Variants in FZD4 observed in about 807,000 individuals in gnomAD.
The protein encoded by FZD4 is frizzled-4.
A neutral mutation model predicts 37.3 loss-of-function variants in FZD4; 16 were observed. That is an observed-to-expected ratio of 0.43 (90% CI 0.29 to 0.65). The LOEUF is 0.65. FZD4 is among the 30% of genes least tolerant of loss of function. FZD4 has a pLI of 0.16. For missense variants in FZD4, 599 were observed against 674.3 expected (o/e 0.89, Z 1.24); for synonymous variants, 246 against 254.8 (o/e 0.97, Z 0.33).
chr11:86,951,731 A>G lies in FZD4; in HGVS notation c.1025T>C (p.Met342Thr), dbSNP rs570839659. ...GLKWGHEAIE[M>T]HSSYFHIAAW... Reference sequence around the variant, plus strand: ...TGCAATGTGGAAATAAGAGCTGTGCATTTCAATGGCTTCATGACCCCATTT... The same window carrying G: ...TGCAATGTGGAAATAAGAGCTGTGCGTTTCAATGGCTTCATGACCCCATTT... The change falls in exon 2 of 2, where the codon ATG becomes ACG. Residue 342 changes from methionine (M) to threonine (T), a missense_variant. Transcript: ENST00000531380. The G allele has an allele frequency of 5.6e-6, 9 of 1,614,210 alleles. No individual in the cohort carries two copies. The African/African-American group carries it at 8.0e-5, about 14-fold the overall frequency.
Position 86,955,072 on chromosome 11 carries a change from C to A in FZD4, c.14G>T (p.Gly5Val). Residue 5 changes from glycine to valine, a missense_variant, in exon 1 of 2, where the codon GGC becomes GTC. By Grantham distance (109) the Gly-to-Val change is moderately radical (BLOSUM62 -3). This residue lies in a region of FZD4 where 357 missense variants were observed against 396.1 expected (regional missense o/e 0.90). Coordinates refer to ENST00000531380, the MANE Select transcript of FZD4 (RefSeq NM_012193.4). MAWR[G>V]AGPSVPGAPG... is the part of the protein sequence containing the mutation. ...CGCCCCCGGGACGCTCGGCCCTGCGCCCCGCCAGGCCATGGCCAGCATCGG... is the reference window on the plus strand; with the variant it reads ...CGCCCCCGGGACGCTCGGCCCTGCGACCCGCCAGGCCATGGCCAGCATCGG... The A allele has an allele frequency of 6.4e-7, 1 of 1,557,154 alleles. No homozygotes were observed. The highest frequency in any genetic ancestry group is 1.2e-5 in the South Asian group (1 of 82,848).
intron 1 of FZD4, 103 bp from the exon 2 acceptor site, chr11:86,952,573 T>C: frequency 7.6e-7 from 1 of 1,316,520 alleles, no homozygotes; most frequent in Non-Finnish European, 1.1e-6. Flanking sequence ...GCAATCTAGG[T>C]ATCTACTTTT....
intron 1 of FZD4, chr11:86,954,572 G>C (rs1216222849): frequency 2.0e-6 from 2 of 985,390 alleles, no homozygotes; most frequent in South Asian, 4.7e-5. Context: ...GGGCAAGAGA[G>C]AAAAACGGAA....
rs772097050 is a variant in FZD4, at chr11:86,952,401, C to T, written c.355G>A (p.Gly119Ser). 9 of 1,614,070 alleles carry T rather than the reference C, an allele frequency of 5.6e-6. No homozygotes were observed. The highest frequency in any genetic ancestry group is 2.7e-5 in the African/African-American group (2 of 75,030). The change falls in exon 2 of 2, where the codon GGC becomes AGC. Residue 119 changes from glycine to serine, a missense_variant. By Grantham distance (56) the Gly-to-Ser change is moderately conservative (BLOSUM62 0). This residue lies in a region of FZD4 where 357 missense variants were observed against 396.1 expected (regional missense o/e 0.90). Transcript: ENST00000531380. Reference sequence around the variant, plus strand: ...CGTCTCTTGACTGAAAGACACATGCCGCCGCATGGGCCAATGGGGATGTTG... The same window carrying T: ...CGTCTCTTGACTGAAAGACACATGCTGCCGCATGGGCCAATGGGGATGTTG... The part of the protein sequence containing the change: ...KINIPIGPCG[G>S]MCLSVKRRCE...
chr11:86,953,533 A>C (rs758314482), intron 1 of FZD4, among the ~76,000 whole-genome samples: 71 of 152,222 alleles, frequency 4.7e-4, no homozygotes, highest in Non-Finnish European at 9.1e-4. Context: ...AAAATGACCT[A>C]TGTAAAAACA....
rs1385128121 is a variant in FZD4, at chr11:86,955,105, A to C, written c.-20T>G. On this transcript the variant is annotated 5_prime_UTR_variant, in exon 1 of 2. Coordinates refer to ENST00000531380, the MANE Select transcript of FZD4 (RefSeq NM_012193.4). The stretch of plus-strand genomic sequence containing the variant: ...GGCCATGGCCAGCATCGGGGGTAGC[A>C]GCGGCAGCGGCTGGGGCTGCTCTGG... 6.8e-7 allele frequency: 1 copy of C among 1,465,934 alleles called. No homozygotes were observed. The highest frequency in any genetic ancestry group is 1.4e-5 in the African/African-American group (1 of 70,172). The allele number at this position is 1,465,934 out of a possible 1,614,324, so 90.8% of individuals were successfully genotyped here.
At position 86,952,333 on chromosome 11, in the gene FZD4, C is replaced by T. The variant is rs776497653; in HGVS notation, c.423G>A (p.Glu141=). The T allele has an allele frequency of 6.2e-7, 1 of 1,614,204 alleles. No individual in the cohort carries two copies. The highest frequency in any genetic ancestry group is 8.5e-7 in the Non-Finnish European group (1 of 1,180,042). Residue 141 remains glutamate (E), a synonymous_variant, in exon 2 of 2, where the codon GAG becomes GAA. Coordinates refer to ENST00000531380, the MANE Select transcript of FZD4 (RefSeq NM_012193.4). ...GTGGGAATTTGCTGCAGTTCAGACT[C>T]TCTGGCCAGGCAAATCCAAATTCCT... The part of the protein sequence containing the change: ...VLKEFGFAWP[E]SLNCSKFPPQ...
chr11:86,950,268 T>C lies in FZD4; in HGVS notation c.*874A>G, dbSNP rs1057409354. 6.6e-6 allele frequency: 1 copy of C among 152,664 alleles called. No homozygotes were observed. Among genetic ancestry groups the C allele is most frequent in the Non-Finnish European group, 1.5e-5 (1 of 68,054 alleles). The allele number at this position is 152,664 out of a possible 1,614,324, so 9.5% of individuals were successfully genotyped here. ...CAATGCAATAGGTCTCTGGGGTCCG[T>C]CAGGTAAGTCAACTTAGTAAATCTC... On this transcript the variant is annotated 3_prime_UTR_variant, in exon 2 of 2. Transcript: ENST00000531380.
rs1025232427 is a variant in FZD4 at position 86,950,203 on chromosome 11, A to T, written c.*939T>A. Reference sequence around the variant, plus strand: ...CTCTTCCAGACTGGCGTCTGCATAGATGCAATCACACAAGTAAAATATATT... The same window carrying T: ...CTCTTCCAGACTGGCGTCTGCATAGTTGCAATCACACAAGTAAAATATATT... On this transcript the variant is annotated 3_prime_UTR_variant, in exon 2 of 2. Transcript: ENST00000531380. 5.2e-5 allele frequency: 8 copies of T among 152,648 alleles called. No individual in the cohort carries two copies. The highest frequency in any genetic ancestry group is 1.9e-4 in the African/African-American group (8 of 41,464). 9.5% of individuals were successfully genotyped at this position (152,648 alleles called of 1,614,324 possible). A position where few individuals can be genotyped will look rare whatever the true frequency, so the allele number is the denominator to read the frequency against.
In FZD4 at chr11:86,950,978, T is replaced by G; in HGVS notation, c.*164A>C. The G allele has an allele frequency of 1.4e-6, 1 of 735,694 alleles. No homozygotes were observed. The highest frequency in any genetic ancestry group is 2.3e-6 in the Non-Finnish European group (1 of 430,462). The allele number at this position is 735,694 out of a possible 1,614,324, so 45.6% of individuals were successfully genotyped here. On this transcript the variant is annotated 3_prime_UTR_variant, in exon 2 of 2. Transcript: ENST00000531380. ...AGTCTGCAGCAAAATCATTGGTTTT[T>G]TGATGCTGGGGTCGGGGTGGGAGGC...
intron 1 of FZD4, chr11:86,954,323 C>G (rs1949318271): frequency 2.0e-6 from 2 of 985,138 alleles, no homozygotes; most frequent in African/African-American, 3.5e-5. Context: ...TAAAACGCTG[C>G]GGGACGTCGT....
rs1250579157 is a variant in FZD4, at chr11:86,950,494, ATG to A, written c.*646_*647del. 6.5e-6 allele frequency: 1 copy of A among 154,384 alleles called. No homozygotes were observed. Among genetic ancestry groups the A allele is most frequent in the Non-Finnish European group, 1.4e-5 (1 of 69,196 alleles). The allele number at this position is 154,384 out of a possible 1,614,324, so 9.6% of individuals were successfully genotyped here. A position where few individuals can be genotyped will look rare whatever the true frequency, so the allele number is the denominator to read the frequency against. On this transcript the variant is annotated 3_prime_UTR_variant, in exon 2 of 2. Coordinates refer to ENST00000531380, the MANE Select transcript of FZD4 (RefSeq NM_012193.4). ...AGAAGAAAAATCCACTGGATACCTT[ATG>A]TGTGTGAGTACAGTACTTTTGTTTG...
chr11:86,948,839 C>T lies in FZD4; in HGVS notation c.*2303G>A, dbSNP rs534024297. The stretch of plus-strand genomic sequence containing the variant: ...AAACTGCATTACAAACCTCTATACT[C>T]TAACAGCAAGACCAGTCCCCTACCG... On this transcript the variant is annotated 3_prime_UTR_variant, in exon 2 of 2. Transcript: ENST00000531380. 2 of 152,668 alleles carry T rather than the reference C, an allele frequency of 1.3e-5. No individual in the cohort carries two copies. Among genetic ancestry groups the T allele is most frequent in the Non-Finnish European group, 2.9e-5 (2 of 68,074 alleles). The allele number at this position is 152,668 out of a possible 1,614,324, so 9.5% of individuals were successfully genotyped here. A position where few individuals can be genotyped will look rare whatever the true frequency, so the allele number is the denominator to read the frequency against.
rs1013412045 is a variant in FZD4, at chr11:86,950,200, T to C, written c.*942A>G. 5 of 152,666 alleles carry C rather than the reference T, an allele frequency of 3.3e-5. No individual in the cohort carries two copies. The highest frequency in any genetic ancestry group is 1.2e-4 in the African/African-American group (5 of 41,468). The allele number at this position is 152,666 out of a possible 1,614,324, so 9.5% of individuals were successfully genotyped here. ...CAGCTCTTCCAGACTGGCGTCTGCA[T>C]AGATGCAATCACACAAGTAAAATAT... is the stretch of plus-strand genomic sequence containing the variant. On this transcript the variant is annotated 3_prime_UTR_variant, in exon 2 of 2. Coordinates refer to ENST00000531380, the MANE Select transcript of FZD4 (RefSeq NM_012193.4).
chr11:86,952,118 C>A lies in FZD4; in HGVS notation c.638G>T (p.Arg213Leu). ...GATATCAGTGAACTCCTTGGCTGAG[C>A]GGCTGTATAAGCCAGCATCATAGCC... ...KCGYDAGLYSRSAKEFTDIWM... is the reference protein window; with the variant it reads ...KCGYDAGLYSLSAKEFTDIWM... The change falls in exon 2 of 2, where the codon CGC (arginine) becomes CTC (leucine). Residue 213 changes from arginine to leucine, a missense_variant. Transcript: ENST00000531380. 3.1e-6 allele frequency: 5 copies of A among 1,613,892 alleles called. No homozygotes were observed. Among genetic ancestry groups the A allele is most frequent in the Non-Finnish European group, 4.2e-6 (5 of 1,179,852 alleles).
Position 86,951,761 on chromosome 11 carries a change from C to T in FZD4, c.995G>A (p.Gly332Glu). The change falls in exon 2 of 2, where the codon GGA (glycine) becomes GAA (glutamate). Residue 332 changes from glycine (G) to glutamate (E), a missense_variant. Coordinates refer to ENST00000531380, the MANE Select transcript of FZD4 (RefSeq NM_012193.4). ...ILTLTWFLAAGLKWGHEAIEM... is the reference protein window; with the variant it reads ...ILTLTWFLAAELKWGHEAIEM... ...AATGGCTTCATGACCCCATTTGAGT[C>T]CTGCTGCCAAAAACCAAGTGAGTGT... is the stretch of plus-strand genomic sequence containing the variant. 1 of 1,614,132 alleles carries T rather than the reference C, an allele frequency of 6.2e-7. No homozygotes were observed. The highest frequency in any genetic ancestry group is 8.5e-7 in the Non-Finnish European group (1 of 1,180,020).
In FZD4 at chr11:86,951,808, G is replaced by A; in HGVS notation, c.948C>T (p.Ser316=). ...GTGTCAGAATAACCCACCAAATGGA[G>A]CTGGCCATTCCAAAAAAGTACATCA... is the stretch of plus-strand genomic sequence containing the variant. ...FLLMYFFGMA[S]SIWWVILTLT... Residue 316 remains serine, a synonymous_variant, in exon 2 of 2, where the codon AGC becomes AGT. Coordinates refer to ENST00000531380, the MANE Select transcript of FZD4 (RefSeq NM_012193.4). 6.2e-7 allele frequency: 1 copy of A among 1,613,948 alleles called. No individual in the cohort carries two copies. Among genetic ancestry groups the A allele is most frequent in the Non-Finnish European group, 8.5e-7 (1 of 1,179,966 alleles).
At position 86,949,489 on chromosome 11, in the gene FZD4, T is replaced by G. The variant is rs191314012; in HGVS notation, c.*1653A>C. 4 of 152,238 alleles carry G rather than the reference T, an allele frequency of 2.6e-5. No homozygotes were observed. Among genetic ancestry groups the G allele is most frequent in the African/African-American group, 7.2e-5 (3 of 41,510 alleles). The allele number at this position is 152,238 out of a possible 1,614,324, so 9.4% of individuals were successfully genotyped here. On this transcript the variant is annotated 3_prime_UTR_variant, in exon 2 of 2. Transcript: ENST00000531380. ...ATAAATAAATGTCATTGCAAAGCAG[T>G]TGCTGAAGCAGACAGGTATGAGTTA...
Position 86,951,410 on chromosome 11 carries a change from G to A in FZD4, c.1346C>T (p.Thr449Met), listed in dbSNP as rs757405807. ...VFSVLYTVPA[T>M]CVIACYFYEI... ...ATAAAAATAACAGGCAATCACACAC[G>A]TTGCAGGAACTGTGTACAGTACTGA... Residue 449 changes from threonine to methionine, a missense_variant, in exon 2 of 2, where the codon ACG (threonine) becomes ATG (methionine). By Grantham distance (81) the Thr-to-Met change is moderately conservative. Transcript: ENST00000531380. The A allele has an allele frequency of 1.4e-5, 22 of 1,612,228 alleles. 2 individuals are homozygous for A. The highest frequency in any genetic ancestry group is 1.3e-4 in the South Asian group (12 of 91,056).
Sources: allele counts gnomAD v4.1 joint callset (sites outside exome capture counted in the v4.1 genomes callset), GRCh38; gene constraint gnomAD v4.1.1; regional missense constraint gnomAD v4.1.1; transcripts MANE v1.5; gene names NCBI Gene and HGNC (gene_info 2026-07-23, HGNC 2026-07-21).